The following FNBP1 variants were observed in gnomAD, a reference collection of about 807,000 sequenced individuals.
FNBP1 encodes formin-binding protein 1.
In FNBP1, 26 loss-of-function variants were observed where a neutral mutation model predicts 90.6. The ratio of observed to expected loss-of-function variants is 0.29; its 90% CI spans 0.21 to 0.40. FNBP1 has a LOEUF of 0.40. FNBP1 is among the 10% of genes least tolerant of loss of function. The pLI is 1.00. For synonymous variants in FNBP1, 260 were observed against 265.2 expected (o/e 0.98, Z 0.19); for missense variants, 635 against 768.0 (o/e 0.83, Z 2.05).
chr9:130,010,476 T>C (rs2056398709), intron 1 of FNBP1, among the ~76,000 whole-genome samples: 1 of 152,174 alleles, frequency 6.6e-6, no homozygotes. Context: ...AAGGCTGGTC[T>C]CCAACTCTTA....
At chr9:130,024,720 A>G (rs1398621284) in intron 1 of FNBP1, among the ~76,000 whole-genome samples, 1 of 152,178 alleles carries the variant, frequency 6.6e-6, no homozygotes, top group Non-Finnish European at 1.5e-5. Flanking sequence ...AAGCCATCGT[A>G]TCATCCTGTT....
At chr9:129,977,108 G>C (rs2146351) in intron 4 of FNBP1, among the ~76,000 whole-genome samples, 143,590 of 151,746 alleles carry the variant, frequency 0.95, 68,173 homozygotes, top group East Asian at 0.99. Context: ...TCAGGGAGTC[G>C]AGATCGCACC....
chr9:129,948,936 T>C (rs1168084992), intron 6 of FNBP1, among the ~76,000 whole-genome samples: 2 of 152,240 alleles, frequency 1.3e-5, no homozygotes, highest in East Asian at 3.9e-4. Context: ...TTTATCTCGG[T>C]GTTTTAATTA....
intron 1 of FNBP1, among the ~76,000 whole-genome samples, chr9:130,012,886 A>G (rs1235455632): frequency 6.6e-6 from 1 of 152,086 alleles, no homozygotes; most frequent in Non-Finnish European, 1.5e-5. Context: ...TGATCTGCCC[A>G]CCTCAGCCTC....
chr9:129,935,480 CTTTTCTT>C (rs1316000365), intron 6 of FNBP1, among the ~76,000 whole-genome samples: 4 of 6,142 alleles, frequency 6.5e-4, no homozygotes, highest in Non-Finnish European at 2.4e-3. Flanking sequence ...CATCATTTTT[CTTTTCTT>C]TTCTTTTCTT....
At chr9:129,986,918 T>C (rs1314930820) in intron 2 of FNBP1, among the ~76,000 whole-genome samples, 1 of 152,018 alleles carries the variant, frequency 6.6e-6, no homozygotes, top group African/African-American at 2.4e-5. Context: ...ATCAAAGAAC[T>C]TTCTCCTGAA....
intron 2 of FNBP1, among the ~76,000 whole-genome samples, chr9:129,985,189 G>A (rs1307825472): frequency 6.6e-6 from 1 of 152,010 alleles, no homozygotes; most frequent in African/African-American, 2.4e-5. Context: ...AAAGACCAAT[G>A]GTACCAGAAA....
intron 6 of FNBP1, among the ~76,000 whole-genome samples, chr9:129,943,086 C>T (rs1476133064): frequency 6.6e-6 from 1 of 152,218 alleles, no homozygotes; most frequent in Non-Finnish European, 1.5e-5. Context: ...AGGTCAACGT[C>T]GGCAACATGC....
At chr9:130,050,917 TTGA>T in the FNBP1 span, among the ~76,000 whole-genome samples, 2 of 151,648 alleles carry the variant, frequency 1.3e-5, no homozygotes, top group Non-Finnish European at 2.9e-5. Flanking sequence ...TTTTTTTTTT[TTGA>T]GACAGAATCT....
intron 6 of FNBP1, among the ~76,000 whole-genome samples, chr9:129,934,747 T>C (rs951517646): frequency 6.6e-6 from 1 of 152,056 alleles, no homozygotes; most frequent in Non-Finnish European, 1.5e-5. Flanking sequence ...AATTTTTGTA[T>C]TTTTAGTAGA....
rs2034887374 is a variant in FNBP1 at position 129,888,752 on chromosome 9, G to A, written c.*1787C>T. ...AGGGCTGACTGAGCTGCTCCGGAAG[G>A]GTGGTGTGTGGTCAACCTTGGTTGG... On this transcript the variant is annotated 3_prime_UTR_variant, in exon 17 of 17. Coordinates refer to ENST00000446176, the MANE Select transcript of FNBP1 (RefSeq NM_015033.3). 1 of 233,260 alleles carries A rather than the reference G, an allele frequency of 4.3e-6. No individual in the cohort carries two copies. Among genetic ancestry groups the A allele is most frequent in the South Asian group, 1.8e-4 (1 of 5,534 alleles). The allele number at this position is 233,260 out of a possible 1,614,324, so 14.4% of individuals were successfully genotyped here. A position where few individuals can be genotyped will look rare whatever the true frequency, so the allele number is the denominator to read the frequency against.
chr9:129,914,274 G>A (rs1374540585), intron 11 of FNBP1, among the ~76,000 whole-genome samples: 1 of 151,540 alleles, frequency 6.6e-6, no homozygotes, highest in Non-Finnish European at 1.5e-5. Context: ...CTGGGCTCAG[G>A]CAATCTTCCT....
At chr9:130,002,455 T>C (rs1312366849) in intron 1 of FNBP1, among the ~76,000 whole-genome samples, 1 of 152,086 alleles carries the variant, frequency 6.6e-6, no homozygotes, top group African/African-American at 2.4e-5. Context: ...ACGTAATGGG[T>C]GAGTTCTTGC....
At position 129,966,378 on chromosome 9, in the gene FNBP1, A is replaced by G. The variant is rs776442227; in HGVS notation, c.346-7825T>C. 1.3e-5 allele frequency among the ~76,000 whole-genome samples: 2 copies of G among 152,188 alleles called. No individual in the cohort carries two copies. Among genetic ancestry groups the G allele is most frequent in the Non-Finnish European group, 1.5e-5 (1 of 68,022 alleles). On this transcript the variant is annotated intron_variant, in intron 4 of 16. Coordinates refer to ENST00000446176, the MANE Select transcript of FNBP1 (RefSeq NM_015033.3). This position sits in a 1 kb window ranked among gnomAD's most constrained non-coding sequence, Gnocchi z 4.3. ...AAGGGCACAGGGACGGAGGGCAGGC[A>G]GGGGCTTGACCATGGACAGCCTCAC...
At chr9:130,005,877 T>C (rs538190492) in intron 1 of FNBP1, among the ~76,000 whole-genome samples, 6 of 152,258 alleles carry the variant, frequency 3.9e-5, no homozygotes, top group African/African-American at 1.2e-4. Flanking sequence ...GTTTTGACAA[T>C]AGGAGTAGAT....
Position 129,888,534 on chromosome 9 carries a change from T to A in FNBP1, c.*2005A>T, listed in dbSNP as rs1299435328. ...TCAGTCCTCCTGCGTGACTGATGGG[T>A]GCACCACGCTTAGGTCACCCGTTGC... On this transcript the variant is annotated 3_prime_UTR_variant, in exon 17 of 17. Transcript: ENST00000446176. 1 of 232,898 alleles carries A rather than the reference T, an allele frequency of 4.3e-6. No homozygotes were observed. The highest frequency in any genetic ancestry group is 6.0e-5 in the East Asian group (1 of 16,550). The allele number at this position is 232,898 out of a possible 1,614,324, so 14.4% of individuals were successfully genotyped here. A position where few individuals can be genotyped will look rare whatever the true frequency, so the allele number is the denominator to read the frequency against.
At chr9:129,948,079 A>G (rs1031080162) in intron 6 of FNBP1, among the ~76,000 whole-genome samples, 1 of 151,604 alleles carries the variant, frequency 6.6e-6, no homozygotes, top group Non-Finnish European at 1.5e-5. Flanking sequence ...ACTTGAGGCT[A>G]GGAGTTCAAG....
intron 1 of FNBP1, among the ~76,000 whole-genome samples, chr9:130,024,698 A>G (rs2058167354): frequency 6.6e-6 from 1 of 152,214 alleles, no homozygotes; most frequent in Non-Finnish European, 1.5e-5. Flanking sequence ...GAAAGTGAGA[A>G]AGTGAAGGAA....
chr9:129,961,646 A>AGACCTCTGCCTCCCTGT (rs1261907218), intron 4 of FNBP1, among the ~76,000 whole-genome samples: 5 of 151,842 alleles, frequency 3.3e-5, no homozygotes, highest in Non-Finnish European at 5.9e-5. Flanking sequence ...CGGTTCACTG[A>AGACCTCTGCCTCCCTGT]GACCTCTGCC....
Sources: allele counts gnomAD v4.1 joint callset (sites outside exome capture counted in the v4.1 genomes callset), GRCh38; gene constraint gnomAD v4.1.1; non-coding constraint Gnocchi (gnomAD v3.1); transcripts MANE v1.5; gene names NCBI Gene and HGNC (gene_info 2026-07-23, HGNC 2026-07-21).